Variants in NSMCE2 observed in about 807,000 individuals in gnomAD.
NSMCE2 encodes E3 SUMO-protein ligase NSE2.
Under a neutral mutation model 23.8 loss-of-function variants are expected in NSMCE2, and 24 were observed. The observed-to-expected ratio is 1.01, with a 90% confidence interval of 0.73 to 1.42. The LOEUF (loss-of-function observed/expected upper bound fraction) is 1.42. Among genes scored for constraint, NSMCE2 ranks in the 40% most tolerant of loss-of-function variants. The pLI, the probability that NSMCE2 is intolerant of heterozygous loss-of-function variation, is 0.00. For missense variants in NSMCE2, 284 were observed against 296.5 expected (o/e 0.96, Z 0.31); for synonymous variants, 92 against 94.1 (o/e 0.98, Z 0.13).
intron 5 of NSMCE2, among the ~76,000 whole-genome samples, chr8:125,340,012 G>GTTTTTTTTTTTTTTT (rs752038710): frequency 1.8e-4 from 18 of 102,848 alleles, no homozygotes; most frequent in South Asian, 3.2e-4. Context: ...GTTTTTTTTT[G>GTTTTTTTTTTTTTTT]TTTTTTTTTT....
intron 5 of NSMCE2, among the ~76,000 whole-genome samples, chr8:125,274,134 C>T (rs1333662606): frequency 6.6e-6 from 1 of 152,172 alleles, no homozygotes; most frequent in East Asian, 1.9e-4. Context: ...CCACTCTCCA[C>T]TCACTCCCAG....
At chr8:125,138,814 T>C (rs1367716721) in intron 3 of NSMCE2, among the ~76,000 whole-genome samples, 1 of 152,150 alleles carries the variant, frequency 6.6e-6, no homozygotes, top group Non-Finnish European at 1.5e-5. Flanking sequence ...TGGAAGAGAC[T>C]TGAGACTTTC....
chr8:125,240,147 A>G (rs1825712685), intron 5 of NSMCE2, among the ~76,000 whole-genome samples: 1 of 141,724 alleles, frequency 7.1e-6, no homozygotes, highest in Non-Finnish European at 1.5e-5. Context: ...TTTTTTTGAG[A>G]CGGAGTCTTG....
At position 125,366,991 on chromosome 8, in the gene NSMCE2, T is replaced by G; in HGVS notation, c.*106T>G. 2 of 658,402 alleles carry G rather than the reference T, an allele frequency of 3.0e-6. No homozygotes were observed. Among genetic ancestry groups the G allele is most frequent in the Non-Finnish European group, 5.5e-6 (2 of 361,336 alleles). The allele number at this position is 658,402 out of a possible 1,614,324, so 40.8% of individuals were successfully genotyped here. ...GTTAGGGACTGGCTGCATAGCATAC[T>G]TGTTGGGGGTAAAACTTGTTGCTTT... is the stretch of plus-strand genomic sequence containing the variant. On this transcript the variant is annotated 3_prime_UTR_variant, in exon 8 of 8. Transcript: ENST00000287437.
rs761689158 is a variant in NSMCE2 at position 125,282,521 on chromosome 8, AC to A, written c.419-74696del. Reference sequence around the variant, plus strand: ...CATATGGTTGATGCATCGCATATTTACCTCTGCTCCACTTACTCCTTCGATT... The same window carrying A: ...CATATGGTTGATGCATCGCATATTTACTCTGCTCCACTTACTCCTTCGATT... On this transcript the variant is annotated intron_variant, in intron 5 of 7. Transcript: ENST00000287437. 8.5e-5 allele frequency among the ~76,000 whole-genome samples: 13 copies of A among 152,218 alleles called. 1 individual carries two copies. Among genetic ancestry groups the A allele is most frequent in the Non-Finnish European group, 5.9e-5 (4 of 68,036 alleles).
intron 5 of NSMCE2, among the ~76,000 whole-genome samples, chr8:125,195,337 A>C (rs1041350428): frequency 6.6e-6 from 1 of 152,200 alleles, no homozygotes; most frequent in African/African-American, 2.4e-5. Flanking sequence ...GAGGGTTGAA[A>C]ATAATCTACT....
At chr8:125,167,789 T>C (rs1366395177) in intron 4 of NSMCE2, among the ~76,000 whole-genome samples, 1 of 151,916 alleles carries the variant, frequency 6.6e-6, no homozygotes, top group Non-Finnish European at 1.5e-5. Flanking sequence ...TTAGGAAACA[T>C]GTTTTCTACA....
intron 5 of NSMCE2, among the ~76,000 whole-genome samples, chr8:125,277,702 G>A (rs1043441266): frequency 2.0e-5 from 3 of 152,058 alleles, no homozygotes; most frequent in African/African-American, 4.8e-5. Context: ...TTTTAGTAGC[G>A]ACGGGGTTTC....
chr8:125,337,884 CAA>C (rs35658538), intron 5 of NSMCE2, among the ~76,000 whole-genome samples: 1,749 of 97,366 alleles, frequency 0.018, 13 homozygotes, highest in Middle Eastern at 0.047. Flanking sequence ...AACTCTATCT[CAA>C]AAAAAAAAAA....
intron 5 of NSMCE2, among the ~76,000 whole-genome samples, chr8:125,231,133 G>A (rs1162441575): frequency 6.6e-6 from 1 of 152,116 alleles, no homozygotes; most frequent in African/African-American, 2.4e-5. Flanking sequence ...ACTGTTAACT[G>A]TAGAATAAAC....
At chr8:125,192,327 A>G (rs1823388319) in intron 5 of NSMCE2, among the ~76,000 whole-genome samples, 2 of 144,078 alleles carry the variant, frequency 1.4e-5, no homozygotes, top group Admixed American at 1.4e-4. Flanking sequence ...CATTTTTAAA[A>G]GGTTTTTTTT....
At chr8:125,140,673 A>G (rs1820322541) in intron 3 of NSMCE2, among the ~76,000 whole-genome samples, 1 of 152,060 alleles carries the variant, frequency 6.6e-6, no homozygotes, top group African/African-American at 2.4e-5. Context: ...ATGAGATTTA[A>G]GCCTCACTTT....
chr8:125,199,779 T>G (rs1158562280), intron 5 of NSMCE2, among the ~76,000 whole-genome samples: 1 of 152,212 alleles, frequency 6.6e-6, no homozygotes, highest in Non-Finnish European at 1.5e-5. Flanking sequence ...AGTGGGGTGT[T>G]AAAGTCTCCC....
rs1182912522 is a variant in NSMCE2, at chr8:125,217,351, A to ATT, written c.418+35097_418+35098dup. Among the ~76,000 whole-genome samples the ATT allele has an allele frequency of 1.2e-3, 174 of 149,988 alleles. 1 individual carries two copies. The highest frequency in any genetic ancestry group is 4.0e-3 in the African/African-American group (164 of 41,098). On this transcript the variant is annotated intron_variant, in intron 5 of 7. Transcript: ENST00000287437. ...TTTAAAAAATTTTATTTATTTATTT[A>ATT]TTTATTTATTTTTTATTTATTTATT...
At chr8:125,195,613 T>A (rs1313728623) in intron 5 of NSMCE2, among the ~76,000 whole-genome samples, 1 of 152,196 alleles carries the variant, frequency 6.6e-6, no homozygotes, top group Non-Finnish European at 1.5e-5. Context: ...ATTCAACAGA[T>A]GTTCATTTAA....
intron 5 of NSMCE2, among the ~76,000 whole-genome samples, chr8:125,214,237 T>C (rs1193354972): frequency 2.0e-5 from 3 of 152,114 alleles, no homozygotes; most frequent in Admixed American, 2.0e-4. Flanking sequence ...CAAGGGTCAA[T>C]AGCAGGCCAG....
At chr8:125,202,620 G>C (rs1286396969) in intron 5 of NSMCE2, among the ~76,000 whole-genome samples, 4 of 152,156 alleles carry the variant, frequency 2.6e-5, no homozygotes, top group Non-Finnish European at 5.9e-5. Context: ...AATATTATAT[G>C]TGAAAAGTGT....
In NSMCE2 at chr8:125,251,550, G is replaced by A. The variant is rs546569147; in HGVS notation, c.418+69294G>A. Among the ~76,000 whole-genome samples the A allele has an allele frequency of 1.9e-3, 287 of 152,254 alleles. 2 individuals carry two copies. Among genetic ancestry groups the A allele is most frequent in the African/African-American group, 6.5e-3 (268 of 41,550 alleles). On this transcript the variant is annotated intron_variant, in intron 5 of 7. Transcript: ENST00000287437. ...GGGTAGACATGGAGTTTGAGTGAGA[G>A]CTAGAAAATAGATTTTTTTCAAAAC...
intron 5 of NSMCE2, among the ~76,000 whole-genome samples, chr8:125,332,177 A>T (rs1829905930): frequency 6.6e-6 from 1 of 152,226 alleles, no homozygotes; most frequent in Admixed American, 6.5e-5. Context: ...TCTCCTAAAT[A>T]AAGCAAATTT....
Sources: allele counts gnomAD v4.1 joint callset (sites outside exome capture counted in the v4.1 genomes callset), GRCh38; gene constraint gnomAD v4.1.1; transcripts MANE v1.5; gene names NCBI Gene and HGNC (gene_info 2026-07-23, HGNC 2026-07-21).